Variants in CDH13 observed in about 807,000 individuals in gnomAD.
CDH13 encodes cadherin-13.
Under a neutral mutation model 63.8 loss-of-function variants are expected in CDH13, and 24 were observed. The ratio of observed to expected loss-of-function variants is 0.38; its 90% CI spans 0.27 to 0.53. CDH13 has a LOEUF of 0.53. CDH13 is among the 20% of genes least tolerant of loss of function. The pLI is 0.85. For synonymous variants in CDH13, 503 were observed against 355.3 expected, an observed-to-expected ratio of 1.42 and a Z score of -4.67; for missense variants, 1,049 against 903.1, an observed-to-expected ratio of 1.16 and a Z score of -2.07.
chr16:82,933,982 G>A (rs1161948045), intron 2 of CDH13, among the ~76,000 whole-genome samples: 2 of 152,150 alleles, frequency 1.3e-5, no homozygotes, highest in African/African-American at 2.4e-5. Flanking sequence ...ACTTTTCCAG[G>A]TGCTCTGTGC....
chr16:82,762,136 C>A (rs1029419345), intron 1 of CDH13, among the ~76,000 whole-genome samples: 1 of 152,148 alleles, frequency 6.6e-6, no homozygotes, highest in African/African-American at 2.4e-5. Context: ...CTGCAGTCCC[C>A]TTCTTTTCCC....
chr16:83,659,867 A>AC (rs1913280974), intron 8 of CDH13, among the ~76,000 whole-genome samples: 1 of 149,276 alleles, frequency 6.7e-6, no homozygotes, highest in African/African-American at 2.5e-5. Flanking sequence ...GCTCACTGCA[A>AC]CCTCCACCTC....
intron 4 of CDH13, among the ~76,000 whole-genome samples, chr16:83,209,798 T>G (rs2039287781): frequency 6.6e-6 from 1 of 151,326 alleles, no homozygotes; most frequent in South Asian, 2.1e-4. Flanking sequence ...GTGGATGAGG[T>G]TAAGTCTGCA....
At chr16:83,682,815 C>G (rs1461045350) in intron 10 of CDH13, among the ~76,000 whole-genome samples, 2 of 152,194 alleles carry the variant, frequency 1.3e-5, no homozygotes, top group Non-Finnish European at 2.9e-5. Flanking sequence ...CTAAAAGCCC[C>G]CATGAGAGAC....
At chr16:83,032,775 G>A (rs1260398253) in intron 3 of CDH13, among the ~76,000 whole-genome samples, 34 of 152,178 alleles carry the variant, frequency 2.2e-4, no homozygotes, top group Admixed American at 2.2e-3. Flanking sequence ...CCTGAAGCCA[G>A]GGCAGAGTCA....
At chr16:83,693,807 A>G (rs1363043913) in intron 10 of CDH13, among the ~76,000 whole-genome samples, 3 of 152,204 alleles carry the variant, frequency 2.0e-5, no homozygotes, top group African/African-American at 7.2e-5. Context: ...TAGTTTGGGC[A>G]TTGGGATTAA....
At chr16:82,704,940 G>A (rs1597367923) in intron 1 of CDH13, 1 of 338,142 alleles carries the variant, frequency 3.0e-6, no homozygotes, top group African/African-American at 2.1e-5. Flanking sequence ...CCGGGATATT[G>A]ACAGACACCT....
chr16:83,579,048 A>G (rs1183976473), intron 7 of CDH13, among the ~76,000 whole-genome samples: 2 of 152,226 alleles, frequency 1.3e-5, no homozygotes, highest in African/African-American at 2.4e-5. Context: ...AACCTTGCAA[A>G]GGCAATGATA....
At chr16:82,753,903 A>C (rs1385901929) in intron 1 of CDH13, among the ~76,000 whole-genome samples, 2 of 152,214 alleles carry the variant, frequency 1.3e-5, no homozygotes, top group Non-Finnish European at 2.9e-5. Flanking sequence ...TCATATGTTA[A>C]AGTTCCATGA....
chr16:83,175,458 A>T (rs2038084751), intron 4 of CDH13, among the ~76,000 whole-genome samples: 1 of 152,048 alleles, frequency 6.6e-6, no homozygotes. Context: ...ACTGGGGAAG[A>T]GGAAGGGATT....
intron 2 of CDH13, among the ~76,000 whole-genome samples, chr16:82,972,518 G>A (rs1022376629): frequency 1.2e-4 from 19 of 152,168 alleles, no homozygotes; most frequent in African/African-American, 4.6e-4. Context: ...GACCTGGGGA[G>A]GTTATTTCAG....
At chr16:82,957,697 C>T (rs1488465346) in intron 2 of CDH13, among the ~76,000 whole-genome samples, 2 of 152,148 alleles carry the variant, frequency 1.3e-5, no homozygotes, top group African/African-American at 4.8e-5. Flanking sequence ...TTTACAAATT[C>T]CCTAAGTTTT....
At chr16:83,032,447 T>C in intron 3 of CDH13, 1 of 523,610 alleles carries the variant, frequency 1.9e-6, no homozygotes, top group East Asian at 3.2e-5. Flanking sequence ...GGAACTATTT[T>C]AGGGATACTT....
chr16:83,706,509 C>T (rs1264203681), intron 10 of CDH13, among the ~76,000 whole-genome samples: 5 of 152,174 alleles, frequency 3.3e-5, no homozygotes, highest in Admixed American at 6.5e-5. Flanking sequence ...TACCTGAGTT[C>T]AGATTCCAGC....
chr16:83,094,820 TC>T (rs2034114168), intron 3 of CDH13, among the ~76,000 whole-genome samples: 1 of 152,216 alleles, frequency 6.6e-6, no homozygotes, highest in African/African-American at 2.4e-5. Flanking sequence ...CGCAATTTTT[TC>T]CTCTATGGTT....
chr16:82,696,144 T>A (rs1344088900), intron 1 of CDH13, among the ~76,000 whole-genome samples: 2 of 152,226 alleles, frequency 1.3e-5, no homozygotes, highest in African/African-American at 4.8e-5. Flanking sequence ...GGGACTCTGA[T>A]GAAATCTTTA....
At chr16:82,902,962 C>G (rs2041520044) in intron 2 of CDH13, among the ~76,000 whole-genome samples, 1 of 152,190 alleles carries the variant, frequency 6.6e-6, no homozygotes, top group Non-Finnish European at 1.5e-5. Flanking sequence ...ACATCATCAT[C>G]TTTGTCTTCA....
At chr16:82,707,695 C>G (rs2031602954) in intron 1 of CDH13, among the ~76,000 whole-genome samples, 1 of 152,118 alleles carries the variant, frequency 6.6e-6, no homozygotes, top group African/African-American at 2.4e-5. Flanking sequence ...CCTCTTTAAG[C>G]TTGATGTCTC....
chr16:83,580,089 G>C (rs537793368), intron 7 of CDH13, among the ~76,000 whole-genome samples: 1 of 152,248 alleles, frequency 6.6e-6, no homozygotes, highest in East Asian at 1.9e-4. Context: ...AGGAAATGCA[G>C]GCAGAGGGGG....
Sources: allele counts gnomAD v4.1 joint callset (sites outside exome capture counted in the v4.1 genomes callset), GRCh38; gene constraint gnomAD v4.1.1; transcripts MANE v1.5; gene names NCBI Gene and HGNC (gene_info 2026-07-23, HGNC 2026-07-21).